SGMS1: variants seen among roughly 807,000 people sequenced by gnomAD.
SGMS1 encodes the protein phosphatidylcholine:ceramide cholinephosphotransferase 1.
In SGMS1, 13 loss-of-function variants were observed where a neutral mutation model predicts 46.2. The observed-to-expected ratio is 0.28, with a 90% CI of 0.18 to 0.45. The LOEUF is 0.45. Ranked by LOEUF, SGMS1 falls within the 20% of genes least tolerant of loss-of-function variation. SGMS1 has a pLI of 1.00. For missense variants in SGMS1, 324 were observed against 519.9 expected (o/e 0.62, Z 3.66); for synonymous variants, 203 against 187.8 (o/e 1.08, Z -0.66).
chr10:50,439,700 T>C (rs772132229), intron 5 of SGMS1, among the ~76,000 whole-genome samples: 16 of 152,170 alleles, frequency 1.1e-4, no homozygotes, highest in Non-Finnish European at 1.8e-4. Context: ...TAATATGAAA[T>C]GTTCAATCCA....
intron 3 of SGMS1, among the ~76,000 whole-genome samples, chr10:50,508,926 T>C (rs1337481383): frequency 6.6e-6 from 1 of 152,230 alleles, no homozygotes; most frequent in Non-Finnish European, 1.5e-5. Context: ...CCCTGATGGA[T>C]GGTAATTTCC....
chr10:50,566,031 T>C (rs1410630694), intron 2 of SGMS1, among the ~76,000 whole-genome samples: 3 of 152,276 alleles, frequency 2.0e-5, no homozygotes, highest in Admixed American at 2.0e-4. Flanking sequence ...GTTGTGGTTC[T>C]GGCAACCCAG....
chr10:50,400,383 G>A (rs1848914798), intron 6 of SGMS1, among the ~76,000 whole-genome samples: 1 of 79,270 alleles, frequency 1.3e-5, no homozygotes. Flanking sequence ...AAGACCTATA[G>A]AACACATCCT....
chr10:50,322,096 T>C (rs916136980), intron 8 of SGMS1, among the ~76,000 whole-genome samples: 2 of 152,180 alleles, frequency 1.3e-5, no homozygotes, highest in South Asian at 2.1e-4. Context: ...ATGGGCTGTG[T>C]TCACTTATGT....
At chr10:50,312,551 A>T (rs1485386686) in intron 8 of SGMS1, among the ~76,000 whole-genome samples, 1 of 152,144 alleles carries the variant, frequency 6.6e-6, no homozygotes, top group Non-Finnish European at 1.5e-5. Context: ...GGATCATTAG[A>T]ATAAGACTTT....
intron 7 of SGMS1, among the ~76,000 whole-genome samples, chr10:50,336,550 C>A (rs940076736): frequency 6.6e-6 from 1 of 152,100 alleles, no homozygotes; most frequent in Non-Finnish European, 1.5e-5. Context: ...AACACATGCA[C>A]GTCTCCCAGA....
chr10:50,517,093 T>C (rs893212233), intron 3 of SGMS1, among the ~76,000 whole-genome samples: 3 of 152,202 alleles, frequency 2.0e-5, no homozygotes, highest in African/African-American at 7.2e-5. Flanking sequence ...CCTGGGTCTG[T>C]AGCATCCTCC....
intron 2 of SGMS1, among the ~76,000 whole-genome samples, chr10:50,563,551 G>A (rs1439011605): frequency 1.3e-5 from 2 of 151,314 alleles, no homozygotes; most frequent in Admixed American, 6.6e-5. Flanking sequence ...AGACCATCCC[G>A]GCTAAAACGG....
At chr10:50,310,747 G>C (rs933652754) in intron 9 of SGMS1, among the ~76,000 whole-genome samples, 1 of 152,120 alleles carries the variant, frequency 6.6e-6, no homozygotes, top group Non-Finnish European at 1.5e-5. Context: ...AATATTTTAA[G>C]TACGTTTCTT....
At position 50,327,191 on chromosome 10, in the gene SGMS1, G is replaced by A. The variant is rs773966198; in HGVS notation, c.741+14C>T. ...AACAAACAGAAAGCGAAATTACAGC[G>A]AGGAATAGTTTACCTTCGGAGAACA... On this transcript the variant is annotated intron_variant, in intron 8 of 10. Coordinates refer to ENST00000361781, the MANE Select transcript of SGMS1 (RefSeq NM_147156.4). 7.6e-6 allele frequency: 11 copies of A among 1,447,548 alleles called. No individual in the cohort carries two copies. The highest frequency in any genetic ancestry group is 1.7e-4 in the Middle Eastern group (1 of 5,742). 89.7% of individuals were successfully genotyped at this position (1,447,548 alleles called of 1,614,324 possible).
At chr10:50,552,525 A>G (rs745593737) in intron 2 of SGMS1, among the ~76,000 whole-genome samples, 6 of 152,204 alleles carry the variant, frequency 3.9e-5, no homozygotes, top group Non-Finnish European at 7.3e-5. Flanking sequence ...ATATTACACA[A>G]TGACTCTCAA....
intron 3 of SGMS1, among the ~76,000 whole-genome samples, chr10:50,498,273 T>G (rs939809973): frequency 1.3e-5 from 2 of 152,240 alleles, no homozygotes; most frequent in Admixed American, 6.5e-5. Context: ...TCACAACCAA[T>G]CACTTCAATC....
chr10:50,487,386 G>T (rs1044544975), intron 3 of SGMS1, among the ~76,000 whole-genome samples: 4 of 152,124 alleles, frequency 2.6e-5, no homozygotes, highest in African/African-American at 9.7e-5. Flanking sequence ...TGCATGCTGG[G>T]CTTAATACCT....
At position 50,401,189 on chromosome 10, in the gene SGMS1, T is replaced by C. The variant is rs142890657; in HGVS notation, c.-232+32287A>G. Among the ~76,000 whole-genome samples, 231 of 152,360 alleles carry C rather than the reference T, an allele frequency of 1.5e-3. 1 individual carries two copies. Among genetic ancestry groups the C allele is most frequent in the African/African-American group, 4.8e-3 (200 of 41,592 alleles). ...TGCCTTGCTGAAAAACAGCAAGTTC[T>C]AAACTAGCCCCAATTTCCATACCTT... is the stretch of plus-strand genomic sequence containing the variant. On this transcript the variant is annotated intron_variant, in intron 6 of 10. Transcript: ENST00000361781.
At chr10:50,493,242 G>T (rs896311531) in intron 3 of SGMS1, among the ~76,000 whole-genome samples, 1 of 152,164 alleles carries the variant, frequency 6.6e-6, no homozygotes, top group Non-Finnish European at 1.5e-5. Flanking sequence ...AATAAATGGT[G>T]CTGGGATAAC....
chr10:50,584,053 C>A (rs998537334), intron 2 of SGMS1, among the ~76,000 whole-genome samples: 2 of 152,178 alleles, frequency 1.3e-5, no homozygotes, highest in African/African-American at 4.8e-5. Flanking sequence ...AAGAAAACAA[C>A]TATGATATTT....
intron 7 of SGMS1, among the ~76,000 whole-genome samples, chr10:50,331,730 C>T (rs138079174): frequency 1.4e-3 from 211 of 152,288 alleles, no homozygotes; most frequent in African/African-American, 4.7e-3. Flanking sequence ...CCTCAAATTC[C>T]TATGTTGAAA....
chr10:50,386,646 G>T (rs1311943351), intron 6 of SGMS1, among the ~76,000 whole-genome samples: 2 of 152,144 alleles, frequency 1.3e-5, no homozygotes, highest in Admixed American at 1.3e-4. Context: ...AGGCCCAGGT[G>T]ACGTCTAAGT....
chr10:50,620,220 C>A (rs1477232588), intron 1 of SGMS1, among the ~76,000 whole-genome samples: 1 of 152,238 alleles, frequency 6.6e-6, no homozygotes, highest in Non-Finnish European at 1.5e-5. Context: ...GTGGGCTGAT[C>A]CAAAATAAGG....
Sources: allele counts gnomAD v4.1 joint callset (sites outside exome capture counted in the v4.1 genomes callset), GRCh38; gene constraint gnomAD v4.1.1; transcripts MANE v1.5; gene names NCBI Gene and HGNC (gene_info 2026-07-23, HGNC 2026-07-21).